Variants in GOLPH3 observed in about 807,000 individuals in gnomAD.
GOLPH3 encodes golgi phosphoprotein 3.
Under a neutral mutation model 28.5 loss-of-function variants are expected in GOLPH3, and 14 were observed. That is an observed-to-expected ratio of 0.49 (90% confidence interval 0.32 to 0.77). The LOEUF is 0.77. Ranked by LOEUF, GOLPH3 falls within the 30% of genes least tolerant of loss-of-function variation. The pLI, the probability that GOLPH3 is intolerant of heterozygous loss-of-function variation, is 0.03. For synonymous variants in GOLPH3, 158 were observed against 159.2 expected (o/e 0.99, Z 0.06); for missense variants, 350 against 393.7 (o/e 0.89, Z 0.94).
intron 2 of GOLPH3, among the ~76,000 whole-genome samples, chr5:32,140,573 C>T (rs1038052636): frequency 4.6e-5 from 7 of 150,862 alleles, no homozygotes; most frequent in Admixed American, 6.6e-5. Flanking sequence ...GCAGGAGAAT[C>T]GCTTGAGGCT....
intron 1 of GOLPH3, among the ~76,000 whole-genome samples, chr5:32,168,936 C>A (rs981102964): frequency 6.7e-6 from 1 of 149,916 alleles, no homozygotes; most frequent in Non-Finnish European, 1.5e-5. Context: ...TCTAGCCTGG[C>A]GACACAGCAC....
rs772990289 is a variant in GOLPH3, at chr5:32,143,885, TAAAAA to T, written c.226-10_226-6del. 3.7e-4 allele frequency: 557 copies of T among 1,504,872 alleles called. 2 individuals carry two copies. The highest frequency in any genetic ancestry group is 2.6e-3 in the Middle Eastern group (15 of 5,748). The allele number at this position is 1,504,872 out of a possible 1,614,324, so 93.2% of individuals were successfully genotyped here. On this transcript the variant is annotated splice_polypyrimidine_tract_variant and splice_region_variant and intron_variant, in intron 1 of 3. Transcript: ENST00000265070. ...ATTCCAAAATGATGTGTAACCCTAT[TAAAAA>T]AAGAAGAAGAAATAAAACAAAATAG...
chr5:32,168,387 T>G (rs1456519577), intron 1 of GOLPH3, among the ~76,000 whole-genome samples: 1 of 152,240 alleles, frequency 6.6e-6, no homozygotes, highest in Non-Finnish European at 1.5e-5. Flanking sequence ...AAGTCAGTTC[T>G]ATCATTTTGG....
chr5:32,155,664 T>C (rs1269764342), intron 1 of GOLPH3, among the ~76,000 whole-genome samples: 1 of 152,078 alleles, frequency 6.6e-6, no homozygotes, highest in Non-Finnish European at 1.5e-5. Context: ...AAAACTCTCA[T>C]GTTAAGATTC....
In GOLPH3 at chr5:32,161,066, CAAAAAAAAAAAAA is replaced by C. The variant is rs34874287; in HGVS notation, c.225+12731_225+12743del. 6.7e-5 allele frequency among the ~76,000 whole-genome samples: 4 copies of C among 60,054 alleles called. No individual in the cohort carries two copies. In the Admixed American group the frequency reaches 1.0e-3, roughly 15 times the overall value. The allele number at this position is 60,054 out of a possible 152,430, so 39.4% of individuals were successfully genotyped here. ...TGGGTGACAGAGCGAGACTCCGTCT[CAAAAAAAAAAAAA>C]AAAAAAAAAAAAAATTGGGTGGCAT... On this transcript the variant is annotated intron_variant, in intron 1 of 3. Transcript: ENST00000265070.
intron 1 of GOLPH3, among the ~76,000 whole-genome samples, chr5:32,145,687 T>C (rs1354208142): frequency 6.6e-6 from 1 of 152,196 alleles, no homozygotes; most frequent in Admixed American, 6.5e-5. Flanking sequence ...TGTCTCAATC[T>C]CAATTGCTCC....
rs1745673591 is a variant in GOLPH3, at chr5:32,126,175, A to G, written c.*37T>C. The G allele has an allele frequency of 6.4e-7, 1 of 1,564,148 alleles. No individual in the cohort carries two copies. The highest frequency in any genetic ancestry group is 2.3e-5 in the East Asian group (1 of 44,258). ...TCAACAGAAGAAAAACTACTGGTTT[A>G]CTTGAGAGAAAGGAGAATGGTTCAC... On this transcript the variant is annotated 3_prime_UTR_variant, in exon 4 of 4. Transcript: ENST00000265070.
intron 1 of GOLPH3, among the ~76,000 whole-genome samples, chr5:32,168,404 T>G (rs1746760274): frequency 6.6e-6 from 1 of 152,254 alleles, no homozygotes; most frequent in South Asian, 2.1e-4. Context: ...TTGGTTAATC[T>G]TAAGTATTTT....
chr5:32,171,929 A>G (rs1414637643), intron 1 of GOLPH3, among the ~76,000 whole-genome samples: 2 of 152,104 alleles, frequency 1.3e-5, no homozygotes, highest in Non-Finnish European at 1.5e-5. Context: ...GGCCTGGGCG[A>G]CAGAGCGAGA....
intron 1 of GOLPH3, among the ~76,000 whole-genome samples, chr5:32,158,127 T>TAAATAAAA (rs1746489731): frequency 1.6e-4 from 5 of 31,714 alleles, no homozygotes; most frequent in East Asian, 1.1e-3. Context: ...AATAAATAAA[T>TAAATAAAA]AAAATACACA....
At chr5:32,153,511 G>C (rs896570899) in intron 1 of GOLPH3, among the ~76,000 whole-genome samples, 2 of 150,748 alleles carry the variant, frequency 1.3e-5, no homozygotes, top group African/African-American at 4.9e-5. Context: ...TTAGAATACA[G>C]TATTTTGACT....
chr5:32,142,466 G>A (rs1463479652), intron 2 of GOLPH3, among the ~76,000 whole-genome samples: 7 of 150,358 alleles, frequency 4.7e-5, no homozygotes, highest in Middle Eastern at 3.3e-3. Context: ...TCGTCCGGGA[G>A]GGAGGTGGGG....
chr5:32,138,722 C>T (rs1461905371), intron 2 of GOLPH3, among the ~76,000 whole-genome samples: 1 of 152,098 alleles, frequency 6.6e-6, no homozygotes, highest in Non-Finnish European at 1.5e-5. Flanking sequence ...TTACTAACAC[C>T]ATGTGTCAAT....
intron 1 of GOLPH3, among the ~76,000 whole-genome samples, chr5:32,158,614 C>T (rs529500801): frequency 6.6e-6 from 1 of 152,152 alleles, no homozygotes; most frequent in African/African-American, 2.4e-5. Flanking sequence ...CTCCACAATC[C>T]CCCTCTTCTG....
At chr5:32,141,872 G>A (rs985610761) in intron 2 of GOLPH3, among the ~76,000 whole-genome samples, 11 of 147,278 alleles carry the variant, frequency 7.5e-5, no homozygotes, top group African/African-American at 1.0e-4. Flanking sequence ...CCGAGGTGCC[G>A]GGATTGCAGA....
intron 2 of GOLPH3, among the ~76,000 whole-genome samples, chr5:32,138,392 T>C (rs1302338700): frequency 6.6e-6 from 1 of 152,112 alleles, no homozygotes; most frequent in African/African-American, 2.4e-5. Flanking sequence ...TATTTTATTT[T>C]ATTATTATTA....
intron 1 of GOLPH3, among the ~76,000 whole-genome samples, chr5:32,164,699 GTACGATTCTTTCAC>G (rs1447671122): frequency 6.6e-6 from 1 of 151,778 alleles, no homozygotes; most frequent in Non-Finnish European, 1.5e-5. Context: ...CCGGCCAAGA[GTACGATTCTTTCAC>G]TACCACGCCC....
chr5:32,174,177 G>A lies in GOLPH3; in HGVS notation c.-143C>T. On this transcript the variant is annotated 5_prime_UTR_variant, in exon 1 of 4. Transcript: ENST00000265070. Reference sequence around the variant, plus strand: ...ACGTCCGTCGGCAGCAGGGCCGGGGGCAGTCATGAGGAAACAGGTCAGGGC... The same window carrying A: ...ACGTCCGTCGGCAGCAGGGCCGGGGACAGTCATGAGGAAACAGGTCAGGGC... 2.2e-6 allele frequency: 1 copy of A among 462,632 alleles called. No individual in the cohort carries two copies. Among genetic ancestry groups the A allele is most frequent in the Middle Eastern group, 6.0e-4 (1 of 1,666 alleles). 28.7% of individuals were successfully genotyped at this position (462,632 alleles called of 1,614,324 possible). A position where few individuals can be genotyped will look rare whatever the true frequency, so the allele number is the denominator to read the frequency against.
Position 32,151,814 on chromosome 5 carries a change from C to T in GOLPH3, c.226-7934G>A, listed in dbSNP as rs116626107. Among the ~76,000 whole-genome samples the T allele has an allele frequency of 1.2e-3, 181 of 152,232 alleles. 1 individual carries two copies. The highest frequency in any genetic ancestry group is 4.3e-3 in the African/African-American group (179 of 41,530). On this transcript the variant is annotated intron_variant, in intron 1 of 3. Coordinates refer to ENST00000265070, the MANE Select transcript of GOLPH3 (RefSeq NM_022130.4). ...TATGTAAAATTCTGATACATAGCTA[C>T]AAAACATGGATGAACTCTGAAGACA...
Sources: gnomAD v4.1 joint callset for allele counts (sites outside exome capture counted in the v4.1 genomes callset) on GRCh38, gnomAD v4.1.1 for gene constraint, MANE v1.5 for transcripts, NCBI Gene and HGNC (gene_info 2026-07-23, HGNC 2026-07-21) for gene names.